Variants in CDK12 observed in about 807,000 individuals in gnomAD.
CDK12 encodes the protein cyclin dependent kinase 12.
In CDK12, 17 loss-of-function variants were observed where a neutral mutation model predicts 133.8. That is an observed-to-expected ratio of 0.13 (90% CI 0.09 to 0.19). The LOEUF (loss-of-function observed/expected upper bound fraction) is 0.19, where lower values mean the gene tolerates loss of function less well. Ranked by LOEUF, CDK12 falls within the 10% of genes least tolerant of loss-of-function variation. The probability of loss-of-function intolerance (pLI) is 1.00; values close to 1 mark genes in which losing one functional copy is unlikely to be tolerated. For missense variants in CDK12, 1,508 were observed against 1,818.7 expected (o/e 0.83, Z 3.11); for synonymous variants, 694 against 683.6 (o/e 1.02, Z -0.24).
intron 5 of CDK12, among the ~76,000 whole-genome samples, chr17:39,499,751 CA>C (rs1211885951): frequency 6.7e-6 from 1 of 150,288 alleles, no homozygotes; most frequent in East Asian, 2.0e-4. Flanking sequence ...TGACCTCAGG[CA>C]ATCCTTCTGC....
chr17:39,532,578 C>G lies in CDK12; in HGVS notation c.*1262C>G, dbSNP rs988143565. ...TAGGGTGGGTATTTTTCTGAAGATA[C>G]ATCAATACCTGACCTTTTTTAAAAA... On this transcript the variant is annotated 3_prime_UTR_variant, in exon 14 of 14. Transcript: ENST00000447079. The G allele has an allele frequency of 8.6e-6, 2 of 231,898 alleles. No individual in the cohort carries two copies. Among genetic ancestry groups the G allele is most frequent in the East Asian group, 6.1e-5 (1 of 16,446 alleles). The allele number at this position is 231,898 out of a possible 1,614,324, so 14.4% of individuals were successfully genotyped here. A position where few individuals can be genotyped will look rare whatever the true frequency, so the allele number is the denominator to read the frequency against.
rs1336077624 is a variant in CDK12, at chr17:39,516,423, C to T, written c.2846+615C>T. 3.3e-5 allele frequency among the ~76,000 whole-genome samples: 5 copies of T among 151,350 alleles called. No individual in the cohort carries two copies. In the East Asian group the frequency reaches 9.7e-4, roughly 29 times the overall value. On this transcript the variant is annotated intron_variant, in intron 9 of 13. Transcript: ENST00000447079. ...CTAGACTGGAGTGCAGTGGTGTGAT[C>T]ATAGTTCACTGCAGCCTCAAACTCC...
At chr17:39,467,586 G>A (rs1044623308) in intron 1 of CDK12, among the ~76,000 whole-genome samples, 1 of 152,140 alleles carries the variant, frequency 6.6e-6, no homozygotes, top group African/African-American at 2.4e-5. Flanking sequence ...GCTTCTGTGA[G>A]AAATTGAAGG....
intron 9 of CDK12, 38 bp from the exon 10 acceptor site, chr17:39,517,398 GACTC>G (rs1406171981): frequency 9.2e-7 from 1 of 1,092,348 alleles, no homozygotes; most frequent in Non-Finnish European, 1.4e-6. Flanking sequence ...TCATGATGTT[GACTC>G]ACTCACTCCA....
In CDK12 at chr17:39,520,434, C is replaced by T. The variant is rs113873245; in HGVS notation, c.3095+347C>T. 9.3e-3 allele frequency among the ~76,000 whole-genome samples: 1,409 copies of T among 152,150 alleles called. 19 individuals are homozygous for T. Among genetic ancestry groups the T allele is most frequent in the African/African-American group, 0.032 (1,330 of 41,516 alleles). Reference sequence around the variant, plus strand: ...TTTATTTTTGAGATGGAGTCTCTGTCGCCCAGGCTGGAATGCAGTGGTGCA... The same window carrying T: ...TTTATTTTTGAGATGGAGTCTCTGTTGCCCAGGCTGGAATGCAGTGGTGCA... On this transcript the variant is annotated intron_variant, in intron 11 of 13. Coordinates refer to ENST00000447079, the MANE Select transcript of CDK12 (RefSeq NM_016507.4).
intron 1 of CDK12, among the ~76,000 whole-genome samples, chr17:39,542,734 T>C (rs2055488816): frequency 6.6e-6 from 1 of 151,952 alleles, no homozygotes; most frequent in South Asian, 2.1e-4. Context: ...GGTCTTGAAC[T>C]CCTGACCTCA....
chr17:39,467,123 C>T (rs1447806861), intron 1 of CDK12, among the ~76,000 whole-genome samples: 41 of 152,120 alleles, frequency 2.7e-4, no homozygotes, highest in African/African-American at 9.6e-4. Flanking sequence ...GGACTACAGG[C>T]GCGCGTCACC....
intron 2 of CDK12, among the ~76,000 whole-genome samples, chr17:39,480,995 T>G (rs2050597879): frequency 6.6e-6 from 1 of 152,120 alleles, no homozygotes; most frequent in Admixed American, 6.6e-5. Context: ...GGATCACGCC[T>G]GTAATCCCAG....
chr17:39,480,081 G>A (rs945198120), intron 2 of CDK12, among the ~76,000 whole-genome samples: 1 of 151,558 alleles, frequency 6.6e-6, no homozygotes, highest in African/African-American at 2.4e-5. Context: ...CCGCCATCAC[G>A]CCTAGCTAAT....
In CDK12 at chr17:39,471,156, T is replaced by A; in HGVS notation, c.1324T>A (p.Leu442Met). ...TTCAGTAGAGGCTAAGGATTCAGGT[T>A]TGGAGTCTAAAAAGTTACCCAGAAG... ...NSSVEAKDSG[L>M]ESKKLPRSVK... The change falls in exon 2 of 14, where the codon TTG becomes ATG. Residue 442 changes from leucine to methionine, a missense_variant. By Grantham distance (15) the Leu-to-Met change is conservative. Around this residue, in one of 9 missense-constraint regions of CDK12, gnomAD observed 347 missense variants for 330.8 expected, o/e 1.05. Transcript: ENST00000447079. 6.3e-7 allele frequency: 1 copy of A among 1,583,876 alleles called. No homozygotes were observed. Among genetic ancestry groups the A allele is most frequent in the Non-Finnish European group, 8.6e-7 (1 of 1,169,358 alleles).
intron 2 of CDK12, among the ~76,000 whole-genome samples, chr17:39,486,467 A>G (rs1055065812): frequency 2.6e-5 from 4 of 151,572 alleles, no homozygotes; most frequent in Non-Finnish European, 2.9e-5. Context: ...AGGTCTCACT[A>G]TGTTGCTCAG....
rs1159144114 is a variant in CDK12 at position 39,461,923 on chromosome 17, A to G, written c.-149A>G. The G allele has an allele frequency of 1.6e-5, 9 of 570,228 alleles. No individual in the cohort carries two copies. Among genetic ancestry groups the G allele is most frequent in the Non-Finnish European group, 2.4e-5 (8 of 333,066 alleles). The allele number at this position is 570,228 out of a possible 1,614,324, so 35.3% of individuals were successfully genotyped here. On this transcript the variant is annotated 5_prime_UTR_variant, in exon 1 of 14. Transcript: ENST00000447079. ...GAAGGGTGCTGAGGCGTCGGGAGGG[A>G]GGAGGAGCCTGGGCTACCGTCCCTG... is the stretch of plus-strand genomic sequence containing the variant.
chr17:39,495,558 G>T (rs1007172888), intron 5 of CDK12, among the ~76,000 whole-genome samples: 1 of 151,782 alleles, frequency 6.6e-6, no homozygotes, highest in Non-Finnish European at 1.5e-5. Flanking sequence ...TTGGGAGGCC[G>T]AGGTGGGCAG....
At chr17:39,472,871 C>T (rs992500276) in intron 2 of CDK12, among the ~76,000 whole-genome samples, 3 of 151,406 alleles carry the variant, frequency 2.0e-5, no homozygotes, top group Admixed American at 6.6e-5. Flanking sequence ...GTCAGGAGAT[C>T]GAGACCATCC....
At chr17:39,514,443 A>G (rs2053671791) in intron 8 of CDK12, among the ~76,000 whole-genome samples, 1 of 152,058 alleles carries the variant, frequency 6.6e-6, no homozygotes, top group Non-Finnish European at 1.5e-5. Flanking sequence ...AGATTCATCG[A>G]CCTTTTTTTT....
At chr17:39,467,173 T>G (rs1032050214) in intron 1 of CDK12, among the ~76,000 whole-genome samples, 4 of 151,890 alleles carry the variant, frequency 2.6e-5, no homozygotes, top group Non-Finnish European at 5.9e-5. Flanking sequence ...GAGACGGGGT[T>G]TCACCATGTT....
intron 2 of CDK12, among the ~76,000 whole-genome samples, chr17:39,484,678 G>A (rs963430413): frequency 2.0e-5 from 3 of 152,014 alleles, no homozygotes; most frequent in African/African-American, 7.3e-5. Flanking sequence ...TAATATTTTA[G>A]AAGCAGTATA....
chr17:39,534,638 G>C (rs1467033046), downstream of CDK12: 3 of 209,992 alleles, frequency 1.4e-5, no homozygotes, highest in African/African-American at 6.8e-5. Flanking sequence ...TTTATCTTAG[G>C]GGTTCTCTGT....
chr17:39,463,195 T>G (rs2049069041), intron 1 of CDK12, 78 bp downstream of exon 1: 1 of 1,284,520 alleles, frequency 7.8e-7, no homozygotes, highest in East Asian at 2.3e-5. Context: ...TAACATTGTC[T>G]GGAAGCCCGC....
Sources: gnomAD v4.1 joint callset for allele counts (sites outside exome capture counted in the v4.1 genomes callset) on GRCh38, gnomAD v4.1.1 for gene constraint, gnomAD v4.1.1 regional missense constraint, MANE v1.5 for transcripts, NCBI Gene and HGNC (gene_info 2026-07-23, HGNC 2026-07-21) for gene names.